LMX1B: variants seen among roughly 807,000 people sequenced by gnomAD.
LMX1B encodes LIM homeobox transcription factor 1 beta.
LMX1B carries 12 observed loss-of-function variants against 51.4 expected under a neutral mutation model. The observed-to-expected ratio is 0.23, with a 90% confidence interval of 0.15 to 0.38. The LOEUF is 0.38. LMX1B is among the 10% of genes least tolerant of loss of function. The pLI is 1.00. For synonymous variants in LMX1B, 237 were observed against 235.4 expected (o/e 1.01, Z -0.06); for missense variants, 445 against 571.1 (o/e 0.78, Z 2.25).
intron 2 of LMX1B, among the ~76,000 whole-genome samples, chr9:126,644,640 G>C (rs6478749): frequency 0.24 from 36,245 of 152,108 alleles, 4,570 homozygotes; most frequent in Non-Finnish European, 0.26. Flanking sequence ...ACAGGGCTCG[G>C]GGAAGATAAT....
chr9:126,623,585 C>G (rs1030405791), intron 2 of LMX1B, among the ~76,000 whole-genome samples: 3 of 152,218 alleles, frequency 2.0e-5, no homozygotes, highest in Admixed American at 6.5e-5. Context: ...GATTTCCCCC[C>G]CAGGCGGGTC....
chr9:126,636,492 C>T (rs933323646), intron 2 of LMX1B, among the ~76,000 whole-genome samples: 4 of 152,054 alleles, frequency 2.6e-5, no homozygotes, highest in South Asian at 2.1e-4. Context: ...CCCCTGGAAG[C>T]CATGAAAAGG....
intron 2 of LMX1B, among the ~76,000 whole-genome samples, chr9:126,635,707 C>T (rs1835702627): frequency 6.6e-6 from 1 of 152,190 alleles, no homozygotes; most frequent in African/African-American, 2.4e-5. Context: ...AATTGCAGCT[C>T]AAGAAACTGG....
At chr9:126,683,226 C>G (rs1409264820) in intron 2 of LMX1B, among the ~76,000 whole-genome samples, 1 of 150,990 alleles carries the variant, frequency 6.6e-6, no homozygotes, top group South Asian at 2.1e-4. Context: ...GCCCGCAGAG[C>G]GCGCCCGTCT....
chr9:126,648,001 C>G (rs1319247373), intron 2 of LMX1B, among the ~76,000 whole-genome samples: 1 of 152,232 alleles, frequency 6.6e-6, no homozygotes, highest in Admixed American at 6.5e-5. Context: ...CTGGCAGCTC[C>G]CTGGGTGATG....
At chr9:126,655,149 A>T (rs1836088311) in intron 2 of LMX1B, among the ~76,000 whole-genome samples, 1 of 152,238 alleles carries the variant, frequency 6.6e-6, no homozygotes, top group Non-Finnish European at 1.5e-5. Context: ...TTGCCATGGG[A>T]TAATCAACTT....
At chr9:126,692,483 C>T (rs79126446) in intron 3 of LMX1B, among the ~76,000 whole-genome samples, 2,109 of 152,312 alleles carry the variant, frequency 0.014, 24 homozygotes, top group Non-Finnish European at 0.022. Context: ...CACATGCTTC[C>T]GCACGCTGTG....
At position 126,693,932 on chromosome 9, in the gene LMX1B, G is replaced by T. The variant is rs935204061; in HGVS notation, c.886+120G>T. 4.4e-5 allele frequency: 28 copies of T among 629,630 alleles called. 1 individual carries two copies. The East Asian group carries it at 6.8e-4, about 15-fold the overall frequency. 39.0% of individuals were successfully genotyped at this position (629,630 alleles called of 1,614,324 possible). A position where few individuals can be genotyped will look rare whatever the true frequency, so the allele number is the denominator to read the frequency against. ...GCTGGGTGAGCCTGGGCCAGGGCTG[G>T]GACCGGGGCTGCACCTGTCCCAGGG... On this transcript the variant is annotated intron_variant, in intron 6 of 7. Transcript: ENST00000373474.
intron 2 of LMX1B, among the ~76,000 whole-genome samples, chr9:126,669,405 C>T (rs1426505332): frequency 6.6e-6 from 1 of 152,166 alleles, no homozygotes; most frequent in Non-Finnish European, 1.5e-5. Flanking sequence ...CTGGGCCTCC[C>T]TGGACTTCTG....
At chr9:126,678,390 G>A (rs1836613200) in intron 2 of LMX1B, among the ~76,000 whole-genome samples, 1 of 151,918 alleles carries the variant, frequency 6.6e-6, no homozygotes, top group Admixed American at 6.6e-5. Flanking sequence ...AAGAAAGGGA[G>A]GTGTCACTGT....
chr9:126,662,065 G>T (rs1209871621), intron 2 of LMX1B, among the ~76,000 whole-genome samples: 2 of 152,210 alleles, frequency 1.3e-5, no homozygotes, highest in Non-Finnish European at 2.9e-5. Flanking sequence ...CCTCCCCCAC[G>T]CAGCGCCCTG....
intron 3 of LMX1B, among the ~76,000 whole-genome samples, chr9:126,692,484 G>T (rs565263060): frequency 6.6e-6 from 1 of 152,226 alleles, no homozygotes; most frequent in Non-Finnish European, 1.5e-5. Context: ...ACATGCTTCC[G>T]CACGCTGTGT....
chr9:126,690,838 T>A lies in LMX1B; in HGVS notation c.329T>A (p.Leu110His), dbSNP rs2030093519. The change falls in exon 3 of 8, where the codon CTC (leucine) becomes CAC (histidine). Residue 110 changes from leucine (L) to histidine (H), a missense_variant and splice_region_variant. By Grantham distance (99) the Leu-to-His change is moderately conservative (BLOSUM62 -3). This residue lies in a region of LMX1B where 273 missense variants were observed against 343.3 expected (regional missense o/e 0.80). Coordinates refer to ENST00000373474, the MANE Select transcript of LMX1B (RefSeq NM_001174147.2). Reference sequence around the variant, plus strand: ...ACGCCCGCTTTGTGCATCCGCAGGCTCTTCGCGGCCAAGTGCAGCGGCTGC... The same window carrying A: ...ACGCCCGCTTTGTGCATCCGCAGGCACTTCGCGGCCAAGTGCAGCGGCTGC... ...KLYCKQDYQQ[L>H]FAAKCSGCME... 6.2e-7 allele frequency: 1 copy of A among 1,608,500 alleles called. No homozygotes were observed. The highest frequency in any genetic ancestry group is 8.5e-7 in the Non-Finnish European group (1 of 1,178,758).
intron 2 of LMX1B, among the ~76,000 whole-genome samples, chr9:126,669,319 G>A (rs1836406143): frequency 6.6e-6 from 1 of 152,118 alleles, no homozygotes; most frequent in South Asian, 2.1e-4. Context: ...AGAGGGAGGG[G>A]CCAATCTGTG....
In LMX1B at chr9:126,677,690, G is replaced by A. The variant is rs1836590744; in HGVS notation, c.327-13146G>A. ...AGTGTGAAGCTCTGAGCACAGGGCT[G>A]AACTGGTTCCCGTGAGTGTAACGTC... On this transcript the variant is annotated intron_variant, in intron 2 of 7. Transcript: ENST00000373474. This position sits in a 1 kb window ranked among gnomAD's most constrained non-coding sequence, Gnocchi z 5.0. 6.6e-6 allele frequency among the ~76,000 whole-genome samples: 1 copy of A among 152,194 alleles called. No individual in the cohort carries two copies. Among genetic ancestry groups the A allele is most frequent in the African/African-American group, 2.4e-5 (1 of 41,446 alleles).
chr9:126,653,628 C>T (rs1418672475), intron 2 of LMX1B, among the ~76,000 whole-genome samples: 1 of 152,188 alleles, frequency 6.6e-6, no homozygotes, highest in Non-Finnish European at 1.5e-5. Flanking sequence ...TTAGACTTCT[C>T]CAGTGTTGGG....
intron 2 of LMX1B, among the ~76,000 whole-genome samples, chr9:126,685,227 A>G (rs538373039): frequency 6.6e-6 from 1 of 152,278 alleles, no homozygotes; most frequent in Non-Finnish European, 1.5e-5. Flanking sequence ...CAGAGAAGCC[A>G]GGCCTTGGAA....
chr9:126,679,515 G>T (rs1268330840), intron 2 of LMX1B, among the ~76,000 whole-genome samples: 1 of 151,596 alleles, frequency 6.6e-6, no homozygotes, highest in East Asian at 1.9e-4. Context: ...GTGGATGGGG[G>T]ACAGGTGGAT....
At chr9:126,653,495 T>A (rs377190230) in intron 2 of LMX1B, among the ~76,000 whole-genome samples, 2 of 152,142 alleles carry the variant, frequency 1.3e-5, no homozygotes, top group African/African-American at 4.8e-5. Context: ...TATTTTGAGA[T>A]AATTGTAGAT....
Sources: allele counts gnomAD v4.1 joint callset (sites outside exome capture counted in the v4.1 genomes callset), GRCh38; gene constraint gnomAD v4.1.1; regional missense constraint gnomAD v4.1.1; non-coding constraint Gnocchi (gnomAD v3.1); transcripts MANE v1.5; gene names NCBI Gene and HGNC (gene_info 2026-07-23, HGNC 2026-07-21).